The following BBS2 variants were observed in gnomAD, a reference collection of about 807,000 sequenced individuals.
BBS2 encodes the protein BBSome complex member BBS2.
BBS2 carries 62 observed loss-of-function variants against 83.0 expected under a neutral mutation model. The observed-to-expected ratio is 0.75, with a 90% CI of 0.61 to 0.92. BBS2 has a LOEUF of 0.92. Ranked by LOEUF, BBS2 falls within the 40% of genes least tolerant of loss-of-function variation. BBS2 has a pLI of 0.00. For synonymous variants in BBS2, 303 were observed against 326.1 expected, an observed-to-expected ratio of 0.93 and a Z score of 0.76; for missense variants, 784 against 901.0, an observed-to-expected ratio of 0.87 and a Z score of 1.66.
At chr16:56,479,336 T>C (rs1326829520) in intron 17 of BBS2, among the ~76,000 whole-genome samples, 1 of 152,088 alleles carries the variant, frequency 6.6e-6, no homozygotes, top group Non-Finnish European at 1.5e-5. Flanking sequence ...TAGCTGGGTG[T>C]GCTGGCACGT....
In BBS2 at chr16:56,510,120, T is replaced by C. The variant is rs564656005; in HGVS notation, c.535-86A>G. The C allele has an allele frequency of 1.6e-3, 1,877 of 1,176,250 alleles. 4 individuals are homozygous for C. Among genetic ancestry groups the C allele is most frequent in the Non-Finnish European group, 1.9e-3 (1,551 of 795,878 alleles). 72.9% of individuals were successfully genotyped at this position (1,176,250 alleles called of 1,614,324 possible). A position where few individuals can be genotyped will look rare whatever the true frequency, so the allele number is the denominator to read the frequency against. On this transcript the variant is annotated intron_variant, in intron 4 of 16. Coordinates refer to ENST00000245157, the MANE Select transcript of BBS2 (RefSeq NM_031885.5). ...ACAAAACAAAAAATTGCACAGTACT[T>C]TGCATGCTGCTTCTGCCACCCAAGA... is the stretch of plus-strand genomic sequence containing the variant.
At chr16:56,474,847 C>T (rs772955110) in intron 17 of BBS2, 3 of 1,611,918 alleles carry the variant, frequency 1.9e-6, no homozygotes, top group Non-Finnish European at 2.5e-6. Context: ...TTCCCATGTG[C>T]CAAGGGGAAC....
intron 17 of BBS2, among the ~76,000 whole-genome samples, chr16:56,471,946 T>C (rs1321329693): frequency 6.7e-6 from 1 of 148,558 alleles, no homozygotes; most frequent in Admixed American, 6.7e-5. Flanking sequence ...AAAAAACTTA[T>C]CCACTTCTGT....
At chr16:56,476,917 G>A (rs979690110) in intron 17 of BBS2, 2 of 152,274 alleles carry the variant, frequency 1.3e-5, no homozygotes, top group African/African-American at 4.8e-5. Flanking sequence ...ATCACCTGAG[G>A]TCAGGAGTTA....
intron 9 of BBS2, chr16:56,501,905 G>T: frequency 2.8e-6 from 1 of 354,560 alleles, no homozygotes; most frequent in South Asian, 2.6e-5. Flanking sequence ...TAACATGTTT[G>T]TTTTTGAAAA....
chr16:56,479,900 C>T (rs945795179), downstream of BBS2, among the ~76,000 whole-genome samples: 6 of 152,220 alleles, frequency 3.9e-5, no homozygotes, highest in African/African-American at 1.2e-4. Context: ...AGCATCCTCA[C>T]GGGCTCCAGC....
At chr16:56,480,490 A>AC (rs748059346), downstream of BBS2, among the ~76,000 whole-genome samples, 64 of 151,664 alleles carry the variant, frequency 4.2e-4, no homozygotes, top group Non-Finnish European at 7.9e-4. Flanking sequence ...ATCTCAACTC[A>AC]CTGCAACCTC....
chr16:56,501,473 C>T lies in BBS2; in HGVS notation c.1105G>A (p.Glu369Lys), dbSNP rs1316536565. 1.9e-6 allele frequency: 3 copies of T among 1,614,004 alleles called. No individual in the cohort carries two copies. Among genetic ancestry groups the T allele is most frequent in the African/African-American group, 1.3e-5 (1 of 74,898 alleles). ...ATTATGCCCCGATGCCCATCAGCCT[C>T]GTTCAGTGGACTGGCCAATTCAGCC... ...AKAELASPLN[E>K]ADGHRGIIPA... is the part of the protein sequence containing the mutation. Residue 369 changes from glutamate to lysine, a missense_variant, in exon 10 of 17, where the codon GAG (glutamate) becomes AAG (lysine). Transcript: ENST00000245157.
intron 17 of BBS2, chr16:56,476,963 C>A (rs1230421861): frequency 6.6e-6 from 1 of 152,234 alleles, no homozygotes; most frequent in African/African-American, 2.4e-5. Context: ...AACCCCATCT[C>A]TACTAAAAAT....
intron 15 of BBS2, among the ~76,000 whole-genome samples, chr16:56,489,710 G>T (rs1424333448): frequency 6.6e-6 from 1 of 152,076 alleles, no homozygotes; most frequent in African/African-American, 2.4e-5. Context: ...TGAAGCAGGA[G>T]AATGGCTTGA....
At chr16:56,478,594 T>C (rs1963578323) in intron 17 of BBS2, 1 of 152,222 alleles carries the variant, frequency 6.6e-6, no homozygotes, top group African/African-American at 2.4e-5. Flanking sequence ...TAGGTGAAAC[T>C]GTCATGTGTG....
chr16:56,482,206 G>T (rs539323869), downstream of BBS2, among the ~76,000 whole-genome samples: 3 of 152,136 alleles, frequency 2.0e-5, no homozygotes, highest in South Asian at 6.2e-4. Flanking sequence ...AATCTCAAAT[G>T]GTATAAATTA....
chr16:56,479,943 A>G (rs1436234180), downstream of BBS2, among the ~76,000 whole-genome samples: 1 of 151,964 alleles, frequency 6.6e-6, no homozygotes, highest in Non-Finnish European at 1.5e-5. Flanking sequence ...GTTCTCCCCA[A>G]CTCCACATCT....
At chr16:56,510,124 A>AATTTT in intron 4 of BBS2, 90 bp from the exon 5 acceptor site, 1 of 1,143,270 alleles carries the variant, frequency 8.7e-7, no homozygotes, top group Non-Finnish European at 1.3e-6. Flanking sequence ...AGTACTTTGC[A>AATTTT]TGCTGCTTCT....
At chr16:56,470,689 A>C in exon 18 of BBS2, 1 of 1,614,216 alleles carries the variant, frequency 6.2e-7, no homozygotes, top group Non-Finnish European at 8.5e-7. Context: ...GACTAGCCAT[A>C]GTCCTCCTGA....
chr16:56,516,264 A>G (rs1246114924), intron 1 of BBS2: 1 of 152,210 alleles, frequency 6.6e-6, no homozygotes, highest in Non-Finnish European at 1.5e-5. Context: ...GACTTGCTGA[A>G]GTTCACACTT....
chr16:56,492,631 T>C (rs1230545777), intron 15 of BBS2, among the ~76,000 whole-genome samples: 1 of 152,164 alleles, frequency 6.6e-6, no homozygotes, highest in Non-Finnish European at 1.5e-5. Flanking sequence ...GTTAAGAAGG[T>C]AGATCTGATG....
intron 14 of BBS2, chr16:56,497,542 T>C (rs1283759908): frequency 6.2e-6 from 4 of 649,662 alleles, no homozygotes; most frequent in Admixed American, 2.8e-5. Context: ...GCAAGCATGG[T>C]GCTCAGGAGC....
chr16:56,519,869 G>T lies in BBS2; in HGVS notation c.-7C>A. On this transcript the variant is annotated 5_prime_UTR_variant, in exon 1 of 17. Coordinates refer to ENST00000245157, the MANE Select transcript of BBS2 (RefSeq NM_031885.5). The stretch of plus-strand genomic sequence containing the variant: ...TGAACACAGGCAGCAGCATGATGGC[G>T]GCGGCTTAGGGGAGGAGGGCTGGAA... The T allele has an allele frequency of 6.2e-7, 1 of 1,610,356 alleles. No individual in the cohort carries two copies. The highest frequency in any genetic ancestry group is 8.5e-7 in the Non-Finnish European group (1 of 1,176,752).
Sources: gnomAD v4.1 joint callset for allele counts (sites outside exome capture counted in the v4.1 genomes callset) on GRCh38, gnomAD v4.1.1 for gene constraint, MANE v1.5 for transcripts, NCBI Gene and HGNC (gene_info 2026-07-23, HGNC 2026-07-21) for gene names.